Variants in LRRIQ1 observed in about 807,000 individuals in gnomAD.
LRRIQ1 encodes leucine-rich repeat- and IQ domain-containing protein 1.
LRRIQ1 carries 210 observed loss-of-function variants against 211.9 expected under a neutral mutation model. The observed-to-expected ratio is 0.99, with a 90% CI of 0.89 to 1.11. LRRIQ1 has a LOEUF of 1.11. LRRIQ1 is among the 50% of genes most tolerant of loss of function. LRRIQ1 has a pLI of 0.00. For missense variants in LRRIQ1, 2,136 were observed against 1,939.5 expected (o/e 1.10, Z -1.90); for synonymous variants, 699 against 650.1 (o/e 1.08, Z -1.14).
intron 11 of LRRIQ1, among the ~76,000 whole-genome samples, chr12:85,096,403 T>A (rs892014119): frequency 1.3e-5 from 2 of 152,188 alleles, no homozygotes; most frequent in Non-Finnish European, 2.9e-5. Context: ...AATTTCTGCC[T>A]TAATTTTGTT....
intron 1 of LRRIQ1, among the ~76,000 whole-genome samples, chr12:85,258,150 C>G (rs955911877): frequency 1.5e-5 from 2 of 130,558 alleles, no homozygotes; most frequent in Non-Finnish European, 3.0e-5. Context: ...TAAATATACA[C>G]AGACAAAAAA....
At chr12:85,270,811 G>A in the LRRIQ1 span, among the ~76,000 whole-genome samples, 7 of 152,220 alleles carry the variant, frequency 4.6e-5, no homozygotes, top group Admixed American at 2.0e-4. Flanking sequence ...AGATAACATT[G>A]AATCAGAATC....
At chr12:85,133,102 TGGG>T (rs1324225709) in intron 18 of LRRIQ1, among the ~76,000 whole-genome samples, 5 of 152,224 alleles carry the variant, frequency 3.3e-5, no homozygotes, top group African/African-American at 9.6e-5. Context: ...TCAAGGAAAT[TGGG>T]GGAAATATAT....
chr12:85,186,228 A>G (rs193247653), intron 24 of LRRIQ1, among the ~76,000 whole-genome samples: 2 of 152,340 alleles, frequency 1.3e-5, no homozygotes, highest in Admixed American at 1.3e-4. Flanking sequence ...TAAGACTAGA[A>G]TTAAGCTCTA....
chr12:85,133,102 TG>T, intron 18 of LRRIQ1, among the ~76,000 whole-genome samples: 1 of 152,224 alleles, frequency 6.6e-6, no homozygotes, highest in East Asian at 1.9e-4. Flanking sequence ...TCAAGGAAAT[TG>T]GGGGAAATAT....
At chr12:85,087,579 G>A (rs868759831) in intron 11 of LRRIQ1, among the ~76,000 whole-genome samples, 8 of 152,038 alleles carry the variant, frequency 5.3e-5, no homozygotes, top group Admixed American at 2.0e-4. Context: ...AAGTGTTCCT[G>A]TTTCTCCACA....
Position 85,244,725 on chromosome 12 carries a change from G to C in LRRIQ1, c.5017-64G>C, listed in dbSNP as rs1246953234. ...TGTTTGTTTATTTGGGGTAATGTGA[G>C]CTGCATTCAGAAAATGCCATATTTT... On this transcript the variant is annotated intron_variant, in intron 26 of 26. Coordinates refer to ENST00000393217, the MANE Select transcript of LRRIQ1 (RefSeq NM_001079910.2). 4 of 1,381,824 alleles carry C rather than the reference G, an allele frequency of 2.9e-6. No homozygotes were observed. In the Admixed American group the frequency reaches 7.0e-5, roughly 24 times the overall value. The allele number at this position is 1,381,824 out of a possible 1,614,324, so 85.6% of individuals were successfully genotyped here.
intron 2 of LRRIQ1, among the ~76,000 whole-genome samples, 192 bp from the exon 3 acceptor site, chr12:85,040,298 C>T (rs1297584186): frequency 6.6e-6 from 1 of 151,458 alleles, no homozygotes; most frequent in Admixed American, 6.6e-5. Context: ...TCTAGAAATG[C>T]ACAACCACCT....
At chr12:85,183,313 T>C (rs537899916) in intron 24 of LRRIQ1, among the ~76,000 whole-genome samples, 1 of 152,142 alleles carries the variant, frequency 6.6e-6, no homozygotes, top group African/African-American at 2.4e-5. Flanking sequence ...TTTTCATACA[T>C]TTTTGAAGTG....
chr12:85,073,551 A>G (rs2136113234), intron 11 of LRRIQ1, among the ~76,000 whole-genome samples: 2 of 152,172 alleles, frequency 1.3e-5, no homozygotes, highest in South Asian at 4.1e-4. Context: ...CGTTTACTTC[A>G]TTTTCATTGC....
At chr12:85,065,945 G>A (rs932042641) in intron 9 of LRRIQ1, among the ~76,000 whole-genome samples, 1 of 151,884 alleles carries the variant, frequency 6.6e-6, no homozygotes, top group African/African-American at 2.4e-5. Flanking sequence ...TTACTCAAGA[G>A]CAGGATCTGA....
intron 24 of LRRIQ1, among the ~76,000 whole-genome samples, chr12:85,166,846 T>C (rs1322973023): frequency 6.6e-6 from 1 of 152,248 alleles, no homozygotes; most frequent in African/African-American, 2.4e-5. Flanking sequence ...TTTATCAGTA[T>C]GTCAGTCTCC....
intron 6 of LRRIQ1, among the ~76,000 whole-genome samples, chr12:85,051,121 C>T (rs1173013506): frequency 6.6e-6 from 1 of 152,032 alleles, no homozygotes; most frequent in Non-Finnish European, 1.5e-5. Context: ...TGAGTATTTG[C>T]TCCGTTAGTT....
intron 1 of LRRIQ1, among the ~76,000 whole-genome samples, chr12:85,261,759 T>TA (rs1896294912): frequency 6.8e-6 from 1 of 147,288 alleles, no homozygotes; most frequent in Non-Finnish European, 1.5e-5. Flanking sequence ...TTTATTTTTT[T>TA]GTTTATTTTA....
intron 15 of LRRIQ1, among the ~76,000 whole-genome samples, chr12:85,119,089 G>A (rs560653758): frequency 3.3e-5 from 5 of 152,050 alleles, no homozygotes; most frequent in Admixed American, 1.3e-4. Context: ...TTTGACAAAC[G>A]TATAATTACA....
At chr12:85,095,856 T>C (rs1210467641) in intron 11 of LRRIQ1, among the ~76,000 whole-genome samples, 2 of 152,164 alleles carry the variant, frequency 1.3e-5, no homozygotes, top group African/African-American at 4.8e-5. Context: ...TCAGGGTTTC[T>C]GTTTCTTCCT....
At chr12:85,182,776 T>C (rs1380167209) in intron 24 of LRRIQ1, among the ~76,000 whole-genome samples, 1 of 152,130 alleles carries the variant, frequency 6.6e-6, no homozygotes, top group Non-Finnish European at 1.5e-5. Flanking sequence ...CATAAGGGGT[T>C]GGATATCTTG....
downstream of LRRIQ1, among the ~76,000 whole-genome samples, chr12:85,249,322 G>T (rs1414977254): frequency 6.6e-6 from 1 of 151,668 alleles, no homozygotes; most frequent in Non-Finnish European, 1.5e-5. Flanking sequence ...AATCAAGAAG[G>T]TAGCATGTTG....
chr12:85,249,971 T>A (rs572570799), downstream of LRRIQ1, among the ~76,000 whole-genome samples: 1 of 151,856 alleles, frequency 6.6e-6, no homozygotes, highest in African/African-American at 2.4e-5. Context: ...TCAACAACAA[T>A]GTTGTACTAA....
Sources: allele counts gnomAD v4.1 joint callset (sites outside exome capture counted in the v4.1 genomes callset), GRCh38; gene constraint gnomAD v4.1.1; transcripts MANE v1.5; gene names NCBI Gene and HGNC (gene_info 2026-07-23, HGNC 2026-07-21).